The following ZNF540 variants were observed in gnomAD, a reference collection of about 807,000 sequenced individuals.
ZNF540 encodes zinc finger protein 540.
Under a neutral mutation model 11.8 loss-of-function variants are expected in ZNF540, and 3 were observed. The observed-to-expected ratio is 0.25, with a 90% CI of 0.12 to 0.65. ZNF540 has a LOEUF of 0.65. ZNF540 is among the 30% of genes least tolerant of loss of function. The pLI is 0.83. For synonymous variants in ZNF540, 247 were observed against 259.0 expected, an observed-to-expected ratio of 0.95 and a Z score of 0.45; for missense variants, 709 against 793.1, an observed-to-expected ratio of 0.89 and a Z score of 1.27.
chr19:37,599,006 A>T (rs963312176), intron 2 of ZNF540, among the ~76,000 whole-genome samples: 5 of 152,174 alleles, frequency 3.3e-5, no homozygotes, highest in African/African-American at 1.2e-4. Context: ...TCTCAAGAAA[A>T]AAGAAGGTGT....
At chr19:37,553,157 C>T (rs77290086) in intron 1 of ZNF540, among the ~76,000 whole-genome samples, 13 of 83,230 alleles carry the variant, frequency 1.6e-4, no homozygotes, top group African/African-American at 6.9e-4. Context: ...TTTTTGGAGA[C>T]AGTCTCGCCT....
At chr19:37,564,398 GAT>G (rs2042774107) in intron 1 of ZNF540, 1 of 409,562 alleles carries the variant, frequency 2.4e-6, no homozygotes, top group Non-Finnish European at 4.3e-6. Flanking sequence ...CTTAATAAAG[GAT>G]ATAATTCAGC....
intron 4 of ZNF540, among the ~76,000 whole-genome samples, chr19:37,602,283 G>T (rs954753795): frequency 1.3e-5 from 2 of 152,078 alleles, no homozygotes; most frequent in African/African-American, 4.8e-5. Context: ...CCTGATTTAG[G>T]TATATATATT....
chr19:37,603,689 T>C (rs967359152), intron 4 of ZNF540, among the ~76,000 whole-genome samples: 4 of 152,238 alleles, frequency 2.6e-5, no homozygotes, highest in African/African-American at 7.2e-5. Context: ...ACAGTTAACA[T>C]TGATTATTTA....
At position 37,612,555 on chromosome 19, in the gene ZNF540, C is replaced by T; in HGVS notation, c.1275C>T (p.Asp425=). 6.2e-7 allele frequency: 1 copy of T among 1,613,948 alleles called. No homozygotes were observed. The highest frequency in any genetic ancestry group is 8.5e-7 in the Non-Finnish European group (1 of 1,179,982). The change falls in exon 5 of 5, where the codon GAC becomes GAT. Residue 425 remains aspartate (D), a synonymous_variant. Transcript: ENST00000316433. ...AGAAGGCTTTTAGTTATAGTGGTGA[C>T]CTCAGAGTACATTCTAGAATTCATA... The part of the protein sequence containing the change: ...VCEKAFSYSG[D]LRVHSRIHTG...
At chr19:37,609,558 AGT>A (rs2044112162) in intron 4 of ZNF540, among the ~76,000 whole-genome samples, 1 of 150,796 alleles carries the variant, frequency 6.6e-6, no homozygotes, top group African/African-American at 2.4e-5. Flanking sequence ...GGGCAAAAAA[AGT>A]AGAGTGGCCG....
intron 1 of ZNF540, chr19:37,555,071 T>C (rs1287213173): frequency 6.6e-6 from 1 of 152,258 alleles, no homozygotes; most frequent in Non-Finnish European, 1.5e-5. Context: ...ATTGCAGATA[T>C]AGCTTGCCAC....
rs541101215 is a variant in ZNF540, at chr19:37,569,015, C to A, written c.-73+17350C>A. Among the ~76,000 whole-genome samples the A allele has an allele frequency of 4.6e-5, 7 of 151,588 alleles. No homozygotes were observed. Among genetic ancestry groups the A allele is most frequent in the Admixed American group, 4.6e-4 (7 of 15,218 alleles). ...TCTGTCATCCAGGCTGGAGTGCAGTCGTGCCATCTCAGCTCACTGCAACCT... is the reference window on the plus strand; with the variant it reads ...TCTGTCATCCAGGCTGGAGTGCAGTAGTGCCATCTCAGCTCACTGCAACCT... On this transcript the variant is annotated intron_variant, in intron 1 of 4. Transcript: ENST00000592533. The surrounding 1 kb of genome is among the most constrained non-coding windows in gnomAD (Gnocchi z 4.4).
chr19:37,586,914 C>T, intron 1 of ZNF540: 2 of 551,822 alleles, frequency 3.6e-6, no homozygotes, highest in Non-Finnish European at 6.4e-6. Flanking sequence ...CAGACCTTTC[C>T]TTAATGTCCA....
Position 37,613,588 on chromosome 19 carries a change from G to A in ZNF540, c.*325G>A. ...AAAATGAAACACACCTAAAAGTGTG[G>A]TTGTTTCCAACATGTATAATACAGC... On this transcript the variant is annotated 3_prime_UTR_variant, in exon 5 of 5. Transcript: ENST00000316433. The A allele has an allele frequency of 2.5e-6, 1 of 397,432 alleles. No homozygotes were observed. The allele number at this position is 397,432 out of a possible 1,614,324, so 24.6% of individuals were successfully genotyped here. A position where few individuals can be genotyped will look rare whatever the true frequency, so the allele number is the denominator to read the frequency against.
At chr19:37,607,983 G>A (rs2044097807) in intron 4 of ZNF540, among the ~76,000 whole-genome samples, 1 of 152,136 alleles carries the variant, frequency 6.6e-6, no homozygotes, top group South Asian at 2.1e-4. Flanking sequence ...TGTTGCCAGT[G>A]TTTTCGATTT....
chr19:37,598,455 A>G lies in ZNF540; in HGVS notation c.8A>G (p.His3Arg). Residue 3 changes from histidine to arginine, a missense_variant and splice_region_variant, in exon 2 of 5, where the codon CAT becomes CGT. Physicochemically the swap from His to Arg is conservative, Grantham distance 29 (BLOSUM62 0). Coordinates refer to ENST00000316433, the MANE Select transcript of ZNF540 (RefSeq NM_001172225.3). ...TCTTGTGAGTGTAAAACCATGGCCC[A>G]TGTAAGTCACAGTTTCTCTTTCCTT... is the stretch of plus-strand genomic sequence containing the variant. MA[H>R]ALVTFRDVAI... The G allele has an allele frequency of 1.2e-6, 2 of 1,614,028 alleles. No individual in the cohort carries two copies. The highest frequency in any genetic ancestry group is 1.3e-5 in the African/African-American group (1 of 75,030).
intron 1 of ZNF540, among the ~76,000 whole-genome samples, chr19:37,596,649 T>A (rs2043998079): frequency 6.6e-6 from 1 of 152,194 alleles, no homozygotes; most frequent in Admixed American, 6.5e-5. Flanking sequence ...TATATAATTA[T>A]TTTCCTTAGA....
intron 1 of ZNF540, among the ~76,000 whole-genome samples, chr19:37,567,065 C>G (rs1037150732): frequency 1.3e-5 from 2 of 152,122 alleles, no homozygotes; most frequent in Non-Finnish European, 1.5e-5. Context: ...TTTAGAATGC[C>G]CTTCCTCTAG....
intron 4 of ZNF540, 33 bp from the exon 5 acceptor site, chr19:37,611,480 A>AG (rs2044127846): frequency 6.6e-7 from 1 of 1,523,002 alleles, no homozygotes; most frequent in African/African-American, 1.4e-5. Context: ...CTACAGGAAA[A>AG]TAATTTTTGT....
intron 4 of ZNF540, among the ~76,000 whole-genome samples, chr19:37,608,445 A>G (rs1026454635): frequency 6.6e-6 from 1 of 152,054 alleles, no homozygotes; most frequent in Non-Finnish European, 1.5e-5. Flanking sequence ...TATTTTTTCT[A>G]TTAAAGCCCT....
chr19:37,556,181 A>G (rs2042657855), intron 1 of ZNF540: 1 of 693,278 alleles, frequency 1.4e-6, no homozygotes. Flanking sequence ...GTACACATAA[A>G]TCAACTGCAA....
At chr19:37,565,117 A>ATGTTCACTAAGT in intron 1 of ZNF540, 6 of 1,613,286 alleles carry the variant, frequency 3.7e-6, no homozygotes, top group Non-Finnish European at 5.1e-6. Flanking sequence ...GAATTCTCTG[A>ATGTTCACTAAGT]TGTTCACTAA....
In ZNF540 at chr19:37,611,866, T is replaced by C; in HGVS notation, c.586T>C (p.Phe196Leu). ...TGATTGTAAAGAATGTGGGAGTACT[T>C]TTAATAATGTCTATCAGCTTACTCT... The part of the protein sequence containing the change: ...KHDCKECGST[F>L]NNVYQLTLHQ... Residue 196 changes from phenylalanine (F) to leucine (L), a missense_variant, in exon 5 of 5, where the codon TTT becomes CTT. Coordinates refer to ENST00000316433, the MANE Select transcript of ZNF540 (RefSeq NM_001172225.3). 6.2e-7 allele frequency: 1 copy of C among 1,613,962 alleles called. No homozygotes were observed. The highest frequency in any genetic ancestry group is 8.5e-7 in the Non-Finnish European group (1 of 1,179,954).
Sources: gnomAD v4.1 joint callset for allele counts (sites outside exome capture counted in the v4.1 genomes callset) on GRCh38, gnomAD v4.1.1 for gene constraint, Gnocchi (gnomAD v3.1) non-coding constraint, MANE v1.5 for transcripts, NCBI Gene and HGNC (gene_info 2026-07-23, HGNC 2026-07-21) for gene names.